The following FRAS1 variants were observed in gnomAD, a reference collection of about 807,000 sequenced individuals.
The protein encoded by FRAS1 is extracellular matrix organizing protein FRAS1.
A neutral mutation model predicts 435.2 loss-of-function variants in FRAS1; 290 were observed. The observed-to-expected ratio is 0.67, with a 90% CI of 0.61 to 0.73. The LOEUF is 0.73. Among genes scored for constraint, FRAS1 ranks in the 30% least tolerant of loss-of-function variants. The probability of loss-of-function intolerance (pLI) is 0.00; values close to 1 mark genes in which losing one functional copy is unlikely to be tolerated. For missense variants in FRAS1, 4,860 were observed against 5,001.5 expected (o/e 0.97, Z 0.85); for synonymous variants, 1,800 against 1,851.0 (o/e 0.97, Z 0.71).
At chr4:78,154,533 T>G (rs535577907) in intron 2 of FRAS1, among the ~76,000 whole-genome samples, 1 of 152,316 alleles carries the variant, frequency 6.6e-6, no homozygotes, top group Non-Finnish European at 1.5e-5. Context: ...AGGCCCAGTC[T>G]TCATCACTGT....
rs1031271173 is a variant in FRAS1, at chr4:78,277,750, A to T, written c.982-905A>T. Among the ~76,000 whole-genome samples, 5 of 152,184 alleles carry T rather than the reference A, an allele frequency of 3.3e-5. 1 individual carries two copies. Among genetic ancestry groups the T allele is most frequent in the African/African-American group, 7.2e-5 (3 of 41,450 alleles). On this transcript the variant is annotated intron_variant, in intron 9 of 73. Coordinates refer to ENST00000512123, the MANE Select transcript of FRAS1 (RefSeq NM_025074.7). ...GATATTGGGAAATGAAAATGATAAG[A>T]CTTGGAAAGTTAAATATCTACCCTG...
chr4:78,226,345 G>T (rs114356334), intron 2 of FRAS1, among the ~76,000 whole-genome samples: 115 of 152,054 alleles, frequency 7.6e-4, no homozygotes, highest in African/African-American at 2.6e-3. Context: ...TTATTGCCTG[G>T]AGAACTTCCT....
At chr4:78,165,230 T>C (rs569062544) in intron 2 of FRAS1, among the ~76,000 whole-genome samples, 1 of 152,222 alleles carries the variant, frequency 6.6e-6, no homozygotes, top group East Asian at 1.9e-4. Context: ...GCCTCTTTCA[T>C]GTAGTAGGAC....
At chr4:78,452,935 G>T (rs770014938) in intron 47 of FRAS1, among the ~76,000 whole-genome samples, 14 of 152,204 alleles carry the variant, frequency 9.2e-5, no homozygotes, top group Non-Finnish European at 1.8e-4. Flanking sequence ...GGCTACATTG[G>T]GTGAGAAAGT....
intron 46 of FRAS1, 124 bp from the exon 47 acceptor site, chr4:78,452,051 T>G: frequency 8.0e-7 from 1 of 1,245,730 alleles, no homozygotes; most frequent in South Asian, 1.4e-5. Flanking sequence ...CCTGGCTCCT[T>G]GGTGTGCTCT....
intron 65 of FRAS1, among the ~76,000 whole-genome samples, chr4:78,515,310 G>A (rs1721171790): frequency 7.0e-6 from 1 of 143,674 alleles, no homozygotes; most frequent in South Asian, 2.3e-4. Context: ...GTAGTCAAAT[G>A]TAGGTATGCT....
chr4:78,376,221 A>C (rs1731755118), intron 26 of FRAS1, among the ~76,000 whole-genome samples: 2 of 152,318 alleles, frequency 1.3e-5, no homozygotes, highest in South Asian at 4.1e-4. Flanking sequence ...ATGGGGATAC[A>C]TTCTGAGAAA....
At chr4:78,354,992 G>A (rs947467148) in intron 20 of FRAS1, among the ~76,000 whole-genome samples, 8 of 152,120 alleles carry the variant, frequency 5.3e-5, no homozygotes, top group Non-Finnish European at 1.5e-5. Context: ...ATCACATATT[G>A]ATGACCACAT....
intron 19 of FRAS1, among the ~76,000 whole-genome samples, chr4:78,335,568 T>C (rs2110262747): frequency 6.6e-6 from 1 of 152,334 alleles, no homozygotes; most frequent in Middle Eastern, 3.4e-3. Flanking sequence ...AGTGGAGGAA[T>C]GGCTTATGCA....
chr4:78,503,940 A>T (rs1185676667), intron 61 of FRAS1, among the ~76,000 whole-genome samples: 1 of 152,234 alleles, frequency 6.6e-6, no homozygotes, highest in Non-Finnish European at 1.5e-5. Flanking sequence ...GTTTCAAAGA[A>T]CATCTTTATT....
intron 2 of FRAS1, among the ~76,000 whole-genome samples, chr4:78,128,085 T>C (rs993708025): frequency 6.6e-6 from 1 of 152,154 alleles, no homozygotes; most frequent in Non-Finnish European, 1.5e-5. Flanking sequence ...CATGAACTCA[T>C]CATTTTTTAT....
intron 22 of FRAS1, among the ~76,000 whole-genome samples, chr4:78,366,363 G>A (rs909071121): frequency 2.6e-5 from 4 of 152,202 alleles, no homozygotes; most frequent in Non-Finnish European, 5.9e-5. Flanking sequence ...AGACTTCCAC[G>A]GAAGAAAGCC....
At chr4:78,309,089 G>A (rs1420459978) in intron 15 of FRAS1, among the ~76,000 whole-genome samples, 1 of 152,182 alleles carries the variant, frequency 6.6e-6, no homozygotes, top group Non-Finnish European at 1.5e-5. Context: ...AAGTAGAATC[G>A]AGGATGGACC....
chr4:78,170,108 T>C (rs1159252364), intron 2 of FRAS1, among the ~76,000 whole-genome samples: 1 of 152,166 alleles, frequency 6.6e-6, no homozygotes, highest in Non-Finnish European at 1.5e-5. Context: ...CATTTTGAGC[T>C]TCCAAGATCC....
chr4:78,145,878 T>G (rs1560548637), intron 2 of FRAS1, among the ~76,000 whole-genome samples: 1 of 152,148 alleles, frequency 6.6e-6, no homozygotes, highest in Non-Finnish European at 1.5e-5. Flanking sequence ...TCTCACGAGG[T>G]CTGATGATTT....
At chr4:78,427,515 C>T (rs1734043385) in intron 35 of FRAS1, among the ~76,000 whole-genome samples, 1 of 152,182 alleles carries the variant, frequency 6.6e-6, no homozygotes, top group Admixed American at 6.5e-5. Flanking sequence ...TCTTAGATTA[C>T]AGAGACATCA....
intron 52 of FRAS1, among the ~76,000 whole-genome samples, chr4:78,472,910 A>G (rs1056325607): frequency 6.6e-6 from 1 of 152,132 alleles, no homozygotes. Context: ...TTCATGCTCC[A>G]TGAATTTTCT....
At chr4:78,452,385 C>G in intron 47 of FRAS1, 31 bp downstream of exon 47, 1 of 1,551,164 alleles carries the variant, frequency 6.4e-7, no homozygotes, top group Non-Finnish European at 8.7e-7. Context: ...TTTACTGAAT[C>G]AAAACTTAGA....
At chr4:78,244,561 T>C (rs1183743295) in intron 3 of FRAS1, among the ~76,000 whole-genome samples, 1 of 152,116 alleles carries the variant, frequency 6.6e-6, no homozygotes, top group Non-Finnish European at 1.5e-5. Context: ...CAGTGGTGAT[T>C]GGATGGTTGA....
Sources: allele counts gnomAD v4.1 joint callset (sites outside exome capture counted in the v4.1 genomes callset), GRCh38; gene constraint gnomAD v4.1.1; transcripts MANE v1.5; gene names NCBI Gene and HGNC (gene_info 2026-07-23, HGNC 2026-07-21).